Variants in LNPK observed in about 807,000 individuals in gnomAD.
LNPK encodes lunapark, ER junction formation factor.
A neutral mutation model predicts 55.2 loss-of-function variants in LNPK; 29 were observed. That is an observed-to-expected ratio of 0.53 (90% CI 0.39 to 0.72). LNPK has a LOEUF of 0.72. Among genes scored for constraint, LNPK ranks in the 30% least tolerant of loss-of-function variants. The pLI, the probability that LNPK is intolerant of heterozygous loss-of-function variation, is 0.00. For missense variants in LNPK, 467 were observed against 494.8 expected (o/e 0.94, Z 0.53); for synonymous variants, 162 against 168.2 (o/e 0.96, Z 0.29).
At chr2:175,986,410 C>T (rs979701498) in intron 4 of LNPK, among the ~76,000 whole-genome samples, 18 of 151,862 alleles carry the variant, frequency 1.2e-4, no homozygotes, top group African/African-American at 3.1e-4. Flanking sequence ...TAGATTATAA[C>T]TCCCTCCAAA....
intron 8 of LNPK, among the ~76,000 whole-genome samples, chr2:175,960,877 T>G (rs1030391078): frequency 1.3e-5 from 2 of 152,100 alleles, no homozygotes; most frequent in Non-Finnish European, 2.9e-5. Flanking sequence ...ATAAAGGGGA[T>G]ATCACCACTG....
chr2:175,988,489 G>A (rs1687535149), intron 4 of LNPK, among the ~76,000 whole-genome samples: 1 of 133,514 alleles, frequency 7.5e-6, no homozygotes, highest in Non-Finnish European at 1.5e-5. Flanking sequence ...TCCAGCCTGG[G>A]CAACAGAGTA....
intron 6 of LNPK, among the ~76,000 whole-genome samples, chr2:175,966,883 T>A (rs1446682145): frequency 1.6e-4 from 24 of 152,186 alleles, no homozygotes; most frequent in Non-Finnish European, 4.4e-5. Context: ...CTGTGCAATT[T>A]AAAAAAATAT....
At chr2:175,936,648 G>A (rs1208928454) in intron 12 of LNPK, among the ~76,000 whole-genome samples, 1 of 152,066 alleles carries the variant, frequency 6.6e-6, no homozygotes, top group South Asian at 2.1e-4. Flanking sequence ...GAAAGAGCTG[G>A]CAATAGTCTA....
chr2:175,956,927 A>G (rs1360071200), intron 8 of LNPK, among the ~76,000 whole-genome samples: 1 of 152,162 alleles, frequency 6.6e-6, no homozygotes, highest in Admixed American at 6.5e-5. Flanking sequence ...CTGGAAAAGC[A>G]CACAGAATCC....
rs1354824879 is a variant in LNPK at position 175,937,508 on chromosome 2, C to G, written c.890G>C (p.Arg297Pro). 1 of 1,606,324 alleles carries G rather than the reference C, an allele frequency of 6.2e-7. No homozygotes were observed. The highest frequency in any genetic ancestry group is 8.5e-7 in the Non-Finnish European group (1 of 1,177,102). Residue 297 changes from arginine to proline, a missense_variant, in exon 12 of 13, where the codon CGA (arginine) becomes CCA (proline). Transcript: ENST00000272748. ...GTTCAAGAAAAAACAGTAGGCACAT[C>G]GAAAAGCTGCAGAGAATTTTTTAAA... ...LKEEFEYIAF[R>P]CAYCFFLNPA...
chr2:175,932,005 AG>A (rs1167176363), intron 12 of LNPK: 3 of 329,322 alleles, frequency 9.1e-6, no homozygotes, highest in Non-Finnish European at 1.8e-5. Flanking sequence ...AATTTCTTAT[AG>A]TTTAGTAAGC....
At chr2:175,998,316 T>C (rs184454585) in intron 1 of LNPK, among the ~76,000 whole-genome samples, 1,700 of 151,822 alleles carry the variant, frequency 0.011, 30 homozygotes, top group African/African-American at 0.039. Context: ...TGGTGGCAGG[T>C]GCCTATAATC....
chr2:175,988,497 G>GT (rs1441059458), intron 4 of LNPK, among the ~76,000 whole-genome samples: 1 of 119,236 alleles, frequency 8.4e-6, no homozygotes, highest in Admixed American at 1.0e-4. Context: ...GGGCAACAGA[G>GT]TAAGACTCTG....
At chr2:175,953,595 T>C (rs1335601243) in intron 8 of LNPK, among the ~76,000 whole-genome samples, 2 of 151,798 alleles carry the variant, frequency 1.3e-5, no homozygotes, top group African/African-American at 4.8e-5. Flanking sequence ...CCAAATCTAA[T>C]TGCCTGTATC....
At chr2:175,945,609 G>C (rs1301929506) in intron 9 of LNPK, among the ~76,000 whole-genome samples, 1 of 150,562 alleles carries the variant, frequency 6.6e-6, no homozygotes, top group African/African-American at 2.5e-5. Context: ...CTTGAATCCA[G>C]ACATGGTCAT....
intron 4 of LNPK, among the ~76,000 whole-genome samples, chr2:175,982,225 G>T (rs2105690292): frequency 6.6e-6 from 1 of 152,194 alleles, no homozygotes; most frequent in East Asian, 1.9e-4. Flanking sequence ...AAAGCATACA[G>T]AGAAAGAAAA....
At position 175,987,548 on chromosome 2, in the gene LNPK, A is replaced by G. The variant is rs145784306; in HGVS notation, c.257+4683T>C. 5.6e-3 allele frequency among the ~76,000 whole-genome samples: 849 copies of G among 152,286 alleles called. 7 individuals are homozygous for G. Among genetic ancestry groups the G allele is most frequent in the African/African-American group, 0.017 (726 of 41,550 alleles). On this transcript the variant is annotated intron_variant, in intron 4 of 12. Transcript: ENST00000272748. Reference sequence around the variant, plus strand: ...TGGGGTGGGGGGAGCAGGGAGGGATAGCATTAGGAGATATACCTAATGTTA... The same window carrying G: ...TGGGGTGGGGGGAGCAGGGAGGGATGGCATTAGGAGATATACCTAATGTTA...
At chr2:175,978,575 G>C (rs1230166209) in intron 5 of LNPK, among the ~76,000 whole-genome samples, 1 of 152,102 alleles carries the variant, frequency 6.6e-6, no homozygotes, top group Non-Finnish European at 1.5e-5. Context: ...GAGAAATACA[G>C]TAACAAACAT....
chr2:175,992,487 T>A, intron 3 of LNPK, 69 bp from the exon 4 acceptor site: 2 of 952,782 alleles, frequency 2.1e-6, no homozygotes, highest in Non-Finnish European at 3.0e-6. Context: ...TGTTAAAAAA[T>A]TTTAGCAGGA....
At chr2:175,946,522 AAG>A (rs938297012) in intron 9 of LNPK, among the ~76,000 whole-genome samples, 3 of 152,146 alleles carry the variant, frequency 2.0e-5, no homozygotes, top group African/African-American at 4.8e-5. Flanking sequence ...TTAATAAATG[AAG>A]AGTTTTTTTA....
chr2:176,001,867 G>T (rs1688175174), intron 1 of LNPK, among the ~76,000 whole-genome samples: 1 of 152,180 alleles, frequency 6.6e-6, no homozygotes. Context: ...GAATCTCCTA[G>T]AACCGAGCTG....
At chr2:175,930,335 G>T in intron 12 of LNPK, 136 bp from the exon 13 acceptor site, 1 of 650,374 alleles carries the variant, frequency 1.5e-6, no homozygotes, top group Non-Finnish European at 2.6e-6. Context: ...CCATACAATT[G>T]TCTAACATTA....
chr2:175,940,065 T>G (rs947243927), intron 9 of LNPK, among the ~76,000 whole-genome samples: 11 of 152,158 alleles, frequency 7.2e-5, no homozygotes, highest in African/African-American at 2.6e-4. Flanking sequence ...CTAAAACAAT[T>G]AAAATACTGT....
Sources: gnomAD v4.1 joint callset for allele counts (sites outside exome capture counted in the v4.1 genomes callset) on GRCh38, gnomAD v4.1.1 for gene constraint, MANE v1.5 for transcripts, NCBI Gene and HGNC (gene_info 2026-07-23, HGNC 2026-07-21) for gene names.